Variants in CAST observed in about 807,000 individuals in gnomAD.
The protein encoded by CAST is MIR583 host.
In CAST, 76 loss-of-function variants were observed where a neutral mutation model predicts 119.6. The ratio of observed to expected loss-of-function variants is 0.64; its 90% CI spans 0.53 to 0.77. The LOEUF (loss-of-function observed/expected upper bound fraction) is 0.77. Among genes scored for constraint, CAST ranks in the 30% least tolerant of loss-of-function variants. CAST has a pLI of 0.00. For synonymous variants in CAST, 319 were observed against 331.6 expected, an observed-to-expected ratio of 0.96 and a Z score of 0.41; for missense variants, 953 against 946.5, an observed-to-expected ratio of 1.01 and a Z score of -0.09.
At chr5:96,718,590 C>G (rs1757611385) in intron 3 of CAST, among the ~76,000 whole-genome samples, 1 of 151,590 alleles carries the variant, frequency 6.6e-6, no homozygotes, top group Non-Finnish European at 1.5e-5. Flanking sequence ...GTGGAAGAGG[C>G]TTCCGGAAGA....
chr5:96,379,431 T>G, the CAST span: 1 of 152,214 alleles, frequency 6.6e-6, no homozygotes, highest in African/African-American at 2.4e-5. Context: ...ACATTTGTAT[T>G]AACTTACACT....
At chr5:96,559,915 G>C (rs1049738328) in intron 1 of CAST, among the ~76,000 whole-genome samples, 8 of 152,126 alleles carry the variant, frequency 5.3e-5, no homozygotes, top group African/African-American at 9.7e-5. Context: ...TAAGCCTAAA[G>C]AACAAAGCTG....
At chr5:96,553,266 T>C (rs1746171607) in intron 1 of CAST, among the ~76,000 whole-genome samples, 1 of 152,158 alleles carries the variant, frequency 6.6e-6, no homozygotes. Flanking sequence ...CATATGCAAA[T>C]CAATAGACAT....
At chr5:96,327,408 T>C in the CAST span, among the ~76,000 whole-genome samples, 1 of 152,204 alleles carries the variant, frequency 6.6e-6, no homozygotes, top group Non-Finnish European at 1.5e-5. Flanking sequence ...CCTTATTCAA[T>C]CTACAGAACA....
At chr5:96,366,707 A>G in the CAST span, among the ~76,000 whole-genome samples, 5 of 151,960 alleles carry the variant, frequency 3.3e-5, no homozygotes, top group African/African-American at 1.2e-4. Flanking sequence ...CTCTACACTG[A>G]TTATTCTAGT....
At chr5:96,103,434 G>A in the CAST span, among the ~76,000 whole-genome samples, 1 of 148,330 alleles carries the variant, frequency 6.7e-6, no homozygotes. Flanking sequence ...CCACCTATGA[G>A]TGAGAATATG....
the CAST span, among the ~76,000 whole-genome samples, chr5:96,098,564 A>G: frequency 1.3e-5 from 2 of 152,106 alleles, no homozygotes; most frequent in South Asian, 4.1e-4. Context: ...TCCCAGCGCT[A>G]TTTATTGGAT....
At chr5:96,307,445 A>G in the CAST span, among the ~76,000 whole-genome samples, 1 of 152,308 alleles carries the variant, frequency 6.6e-6, no homozygotes, top group East Asian at 1.9e-4. Flanking sequence ...CATCTAGCCC[A>G]TTTACATTTA....
At chr5:96,724,197 CTTG>C (rs1758825975) in intron 4 of CAST, among the ~76,000 whole-genome samples, 4 of 150,100 alleles carry the variant, frequency 2.7e-5, no homozygotes, top group Non-Finnish European at 5.9e-5. Flanking sequence ...TTTTTTTTTC[CTTG>C]AGGCAGGGTC....
the CAST span, among the ~76,000 whole-genome samples, chr5:96,022,406 A>G: frequency 1.3e-5 from 2 of 152,230 alleles, no homozygotes; most frequent in East Asian, 3.8e-4. Context: ...ACAACAAAGT[A>G]TTTAAAACAA....
At chr5:96,084,341 T>C in the CAST span, among the ~76,000 whole-genome samples, 1 of 152,088 alleles carries the variant, frequency 6.6e-6, no homozygotes, top group Non-Finnish European at 1.5e-5. Flanking sequence ...TGTGGTAAAC[T>C]GGGTAATTTT....
the CAST span, among the ~76,000 whole-genome samples, chr5:96,097,157 G>C: frequency 9.2e-5 from 14 of 152,196 alleles, no homozygotes; most frequent in South Asian, 2.9e-3. Flanking sequence ...TATCCTAAGT[G>C]AATGGGGAAG....
the CAST span, among the ~76,000 whole-genome samples, chr5:96,260,998 C>T: frequency 6.6e-6 from 1 of 152,156 alleles, no homozygotes; most frequent in African/African-American, 2.4e-5. Flanking sequence ...TCATCCTCAG[C>T]AAAATTGCTG....
At chr5:96,683,060 G>T (rs116289895) in intron 2 of CAST, among the ~76,000 whole-genome samples, 91 of 152,224 alleles carry the variant, frequency 6.0e-4, no homozygotes, top group African/African-American at 2.2e-3. Flanking sequence ...TTTGACTTGG[G>T]TTAGAAAGAG....
the CAST span, among the ~76,000 whole-genome samples, chr5:96,038,682 C>T: frequency 2.6e-5 from 4 of 152,196 alleles, no homozygotes; most frequent in African/African-American, 7.2e-5. Context: ...TCATCCATGT[C>T]CCTGCAAAGG....
At chr5:96,415,038 T>C in the CAST span, among the ~76,000 whole-genome samples, 1,804 of 152,346 alleles carry the variant, frequency 0.012, 128 homozygotes, top group Admixed American at 0.1. Context: ...TGATTCTTTT[T>C]GTGATTATGG....
intron 1 of CAST, among the ~76,000 whole-genome samples, chr5:96,557,427 T>G (rs564310962): frequency 2.2e-4 from 34 of 151,846 alleles, no homozygotes; most frequent in South Asian, 1.0e-3. Context: ...ATTGGATAAA[T>G]AGTCAAGACC....
the CAST span, among the ~76,000 whole-genome samples, chr5:96,421,241 T>C: frequency 1.3e-5 from 2 of 152,224 alleles, no homozygotes; most frequent in African/African-American, 4.8e-5. Context: ...CTCACCATAA[T>C]GTGGCTTCAA....
the CAST span, among the ~76,000 whole-genome samples, chr5:96,286,423 T>G: frequency 6.6e-6 from 1 of 152,182 alleles, no homozygotes; most frequent in Non-Finnish European, 1.5e-5. Flanking sequence ...TTCCTTCACT[T>G]GCTCCCTGGA....
Sources: gnomAD v4.1 joint callset for allele counts (sites outside exome capture counted in the v4.1 genomes callset) on GRCh38, gnomAD v4.1.1 for gene constraint, MANE v1.5 for transcripts, NCBI Gene and HGNC (gene_info 2026-07-23, HGNC 2026-07-21) for gene names.